Variants in CAMTA1 observed in about 807,000 individuals in gnomAD.
CAMTA1 encodes calmodulin binding transcription activator 1, also known as calmodulin-binding transcription activator 1.
CAMTA1 carries 27 observed loss-of-function variants against 170.9 expected under a neutral mutation model. That is an observed-to-expected ratio of 0.16 (90% CI 0.12 to 0.22). The LOEUF (loss-of-function observed/expected upper bound fraction) is 0.22, where lower values mean the gene tolerates loss of function less well. Among genes scored for constraint, CAMTA1 ranks in the 10% least tolerant of loss-of-function variants. CAMTA1 has a pLI of 1.00. For missense variants in CAMTA1, 1,619 were observed against 2,217.2 expected, an observed-to-expected ratio of 0.73 and a Z score of 5.42; for synonymous variants, 833 against 891.5, an observed-to-expected ratio of 0.93 and a Z score of 1.17.
intron 3 of CAMTA1, among the ~76,000 whole-genome samples, chr1:6,992,277 G>A (rs998561516): frequency 4.6e-5 from 7 of 151,366 alleles, no homozygotes; most frequent in African/African-American, 1.7e-4. Flanking sequence ...TTGCCATGTT[G>A]CCTAGGCTCG....
At chr1:7,694,014 G>C (rs2096347860) in intron 11 of CAMTA1, 1 of 152,224 alleles carries the variant, frequency 6.6e-6, no homozygotes, top group South Asian at 2.1e-4. Context: ...ACTCCAATCA[G>C]GCATGATATT....
intron 6 of CAMTA1, among the ~76,000 whole-genome samples, chr1:7,568,487 CCAT>C (rs1181394737): frequency 1.3e-5 from 2 of 149,062 alleles, no homozygotes; most frequent in African/African-American, 2.5e-5. Context: ...ATCAACATCA[CCAT>C]CATCATCACC....
chr1:7,657,911 A>G (rs2095918299), intron 7 of CAMTA1, among the ~76,000 whole-genome samples: 1 of 152,210 alleles, frequency 6.6e-6, no homozygotes, highest in Non-Finnish European at 1.5e-5. Context: ...CCTTCACAAC[A>G]TAAGGAGGAG....
intron 5 of CAMTA1, among the ~76,000 whole-genome samples, chr1:7,361,514 T>G (rs1220547517): frequency 2.6e-5 from 4 of 152,168 alleles, no homozygotes; most frequent in African/African-American, 9.7e-5. Context: ...TCCTCTTCCT[T>G]CAGGGACTTC....
At chr1:6,868,170 A>T (rs1489620984) in intron 3 of CAMTA1, among the ~76,000 whole-genome samples, 2 of 151,824 alleles carry the variant, frequency 1.3e-5, no homozygotes, top group African/African-American at 4.8e-5. Flanking sequence ...TGCAGAAAGC[A>T]TTATATAATG....
chr1:7,718,945 T>C (rs989594719), intron 11 of CAMTA1, among the ~76,000 whole-genome samples: 2 of 151,592 alleles, frequency 1.3e-5, no homozygotes, highest in African/African-American at 4.9e-5. Context: ...TACTTTAGAA[T>C]GTCTCAATTC....
At chr1:7,315,013 G>C (rs774673565) in intron 5 of CAMTA1, among the ~76,000 whole-genome samples, 2 of 152,232 alleles carry the variant, frequency 1.3e-5, no homozygotes, top group Non-Finnish European at 2.9e-5. Flanking sequence ...CAGTGAAAAA[G>C]AGAGCAGGGA....
intron 3 of CAMTA1, among the ~76,000 whole-genome samples, chr1:7,005,882 G>A (rs1327957537): frequency 6.6e-6 from 1 of 152,214 alleles, no homozygotes; most frequent in Non-Finnish European, 1.5e-5. Flanking sequence ...AATCCAAGTG[G>A]CTCAACAGGG....
chr1:6,810,892 A>G (rs1054664236), intron 1 of CAMTA1, among the ~76,000 whole-genome samples: 92 of 152,150 alleles, frequency 6.0e-4, no homozygotes, highest in African/African-American at 2.2e-3. Context: ...TGGTGACGGG[A>G]TTAGAAGGCA....
intron 3 of CAMTA1, among the ~76,000 whole-genome samples, chr1:6,834,906 T>C (rs138217919): frequency 6.6e-6 from 1 of 152,310 alleles, no homozygotes; most frequent in East Asian, 1.9e-4. Context: ...CCCAAAGTGC[T>C]GGGATTATGG....
chr1:7,679,171 G>A (rs947182458), intron 11 of CAMTA1, among the ~76,000 whole-genome samples: 8 of 152,230 alleles, frequency 5.3e-5, no homozygotes. Flanking sequence ...GGTGACCAGG[G>A]GCTCCCGTTT....
chr1:7,635,526 G>C lies in CAMTA1; in HGVS notation c.511-4874G>C, dbSNP rs190523373. 6.6e-6 allele frequency among the ~76,000 whole-genome samples: 1 copy of C among 151,638 alleles called. No homozygotes were observed. Among genetic ancestry groups the C allele is most frequent in the Non-Finnish European group, 1.5e-5 (1 of 67,918 alleles). The stretch of plus-strand genomic sequence containing the variant: ...CCAGAGGCTGAGGCAGGAGAATGGC[G>C]TGAACCCGGGAGGCGGAGGTTGCAG... On this transcript the variant is annotated intron_variant, in intron 6 of 22. Transcript: ENST00000303635. This position sits in a 1 kb window ranked among gnomAD's most constrained non-coding sequence, Gnocchi z 4.4.
intron 1 of CAMTA1, among the ~76,000 whole-genome samples, chr1:6,793,634 A>G (rs1277415820): frequency 1.3e-5 from 2 of 152,208 alleles, no homozygotes; most frequent in Admixed American, 6.5e-5. Context: ...TCTCTTTTAC[A>G]GTGTGCATTC....
chr1:7,021,489 T>C (rs1404663107), intron 3 of CAMTA1, among the ~76,000 whole-genome samples: 1 of 152,220 alleles, frequency 6.6e-6, no homozygotes, highest in Non-Finnish European at 1.5e-5. Context: ...AAACACACGC[T>C]CTCCTGCTTT....
intron 6 of CAMTA1, among the ~76,000 whole-genome samples, chr1:7,574,383 C>G (rs1037699925): frequency 6.6e-6 from 1 of 152,206 alleles, no homozygotes; most frequent in Non-Finnish European, 1.5e-5. Flanking sequence ...CATCAGGGAG[C>G]CCTGGCAAGT....
chr1:7,276,044 G>T (rs969320847), intron 5 of CAMTA1, among the ~76,000 whole-genome samples: 1 of 151,498 alleles, frequency 6.6e-6, no homozygotes, highest in Non-Finnish European at 1.5e-5. Context: ...AATACACCAC[G>T]ATTAATTATG....
rs2096870819 is a variant in CAMTA1 at position 7,748,200 on chromosome 1, C to G, written c.4689+419C>G. Among the ~76,000 whole-genome samples, 1 of 152,084 alleles carries G rather than the reference C, an allele frequency of 6.6e-6. No homozygotes were observed. The highest frequency in any genetic ancestry group is 2.4e-5 in the African/African-American group (1 of 41,394). On this transcript the variant is annotated intron_variant, in intron 19 of 22. Coordinates refer to ENST00000303635, the MANE Select transcript of CAMTA1 (RefSeq NM_015215.4). The surrounding 1 kb of genome is among the most constrained non-coding windows in gnomAD (Gnocchi z 4.7). ...GTGCTGGGATTACAAGCATGAGCCG[C>G]AGCGCCCGGCCAGAGACTTAATTTG...
intron 3 of CAMTA1, among the ~76,000 whole-genome samples, chr1:6,850,680 AAG>A (rs1660040821): frequency 6.6e-6 from 1 of 152,234 alleles, no homozygotes; most frequent in Admixed American, 6.5e-5. Flanking sequence ...AGGGAAGCCC[AAG>A]ATGTGAGACC....
chr1:7,160,429 C>A (rs1185385266), intron 4 of CAMTA1, among the ~76,000 whole-genome samples: 1 of 152,120 alleles, frequency 6.6e-6, no homozygotes, highest in Non-Finnish European at 1.5e-5. Flanking sequence ...GTCCTCGTTT[C>A]TTTGACTATC....
Sources: allele counts gnomAD v4.1 joint callset (sites outside exome capture counted in the v4.1 genomes callset), GRCh38; gene constraint gnomAD v4.1.1; non-coding constraint Gnocchi (gnomAD v3.1); transcripts MANE v1.5; gene names NCBI Gene and HGNC (gene_info 2026-07-23, HGNC 2026-07-21).